OCLN: variants seen among roughly 807,000 people sequenced by gnomAD.
OCLN encodes occludin.
In OCLN, 21 loss-of-function variants were observed where a neutral mutation model predicts 47.9. That is an observed-to-expected ratio of 0.44 (90% CI 0.31 to 0.63). The LOEUF (loss-of-function observed/expected upper bound fraction) is 0.63. Among genes scored for constraint, OCLN ranks in the 30% least tolerant of loss-of-function variants. The pLI is 0.08. For synonymous variants in OCLN, 117 were observed against 198.4 expected, an observed-to-expected ratio of 0.59 and a Z score of 3.45; for missense variants, 360 against 571.0, an observed-to-expected ratio of 0.63 and a Z score of 3.77.
At chr5:69,507,971 G>A (rs1035758751) in intron 2 of OCLN, among the ~76,000 whole-genome samples, 1 of 152,112 alleles carries the variant, frequency 6.6e-6, no homozygotes, top group Non-Finnish European at 1.5e-5. Context: ...ACTTCATCAC[G>A]TGATTGATGT....
chr5:69,516,091 G>T (rs1768957933), intron 4 of OCLN, among the ~76,000 whole-genome samples: 2 of 151,758 alleles, frequency 1.3e-5, no homozygotes, highest in South Asian at 4.2e-4. Context: ...TTCCCAGACG[G>T]GGTGGCGGCC....
rs1345057276 is a variant in OCLN at position 69,553,870 on chromosome 5, A to C, written c.*199A>C. 1 of 587,240 alleles carries C rather than the reference A, an allele frequency of 1.7e-6. No homozygotes were observed. Among genetic ancestry groups the C allele is most frequent in the African/African-American group, 1.9e-5 (1 of 52,874 alleles). The allele number at this position is 587,240 out of a possible 1,614,324, so 36.4% of individuals were successfully genotyped here. A position where few individuals can be genotyped will look rare whatever the true frequency, so the allele number is the denominator to read the frequency against. On this transcript the variant is annotated 3_prime_UTR_variant, in exon 9 of 9. Coordinates refer to ENST00000396442, the MANE Select transcript of OCLN (RefSeq NM_001205254.2). ...TCAACTGGGCTGAACACTCCAATTA[A>C]GGATTTTATGCTTTAAACATTGGTT...
chr5:69,522,161 T>TATG (rs1383439894), intron 4 of OCLN, among the ~76,000 whole-genome samples: 1 of 152,180 alleles, frequency 6.6e-6, no homozygotes, highest in Non-Finnish European at 1.5e-5. Flanking sequence ...GTACTTATAT[T>TATG]TCCTGTCTCT....
In OCLN at chr5:69,519,290, C is replaced by T. The variant is rs576166226; in HGVS notation, c.891+5181C>T. On this transcript the variant is annotated intron_variant, in intron 4 of 8. Transcript: ENST00000396442. ...ATTTTTAGCATCTTCAGGATTATAA[C>T]ACGCCTCCTGCCCTCCCACCTCTCA... 2.0e-5 allele frequency among the ~76,000 whole-genome samples: 3 copies of T among 152,306 alleles called. No individual in the cohort carries two copies. The South Asian group carries it at 6.2e-4, about 32-fold the overall frequency.
intron 1 of OCLN, among the ~76,000 whole-genome samples, chr5:69,496,351 G>GC (rs1005326753): frequency 1.3e-5 from 2 of 151,948 alleles, no homozygotes; most frequent in African/African-American, 2.4e-5. Flanking sequence ...TCCCGTCTCG[G>GC]CCCCCCAAAG....
At position 69,493,703 on chromosome 5, in the gene OCLN, C is replaced by G. The variant is rs1475685373; in HGVS notation, c.-69+803C>G. ...CGCGCTGCCTGGGAGCGCCTCGGTG[C>G]GCACGGAAGCCGGGACCCGCGCCCA... On this transcript the variant is annotated intron_variant, in intron 1 of 8. Coordinates refer to ENST00000396442, the MANE Select transcript of OCLN (RefSeq NM_001205254.2). This position sits in a 1 kb window ranked among gnomAD's most constrained non-coding sequence, Gnocchi z 5.3. Among the ~76,000 whole-genome samples the G allele has an allele frequency of 6.6e-6, 1 of 152,168 alleles. No individual in the cohort carries two copies.
At chr5:69,496,962 C>T (rs954418935) in intron 1 of OCLN, among the ~76,000 whole-genome samples, 13 of 152,086 alleles carry the variant, frequency 8.5e-5, no homozygotes, top group South Asian at 8.3e-4. Flanking sequence ...TCATTTTTTC[C>T]TTCACTCAAC....
intron 4 of OCLN, among the ~76,000 whole-genome samples, chr5:69,516,493 G>C (rs1448704369): frequency 6.6e-6 from 1 of 152,048 alleles, no homozygotes; most frequent in Admixed American, 6.5e-5. Context: ...CGTGGAAAGA[G>C]AGGGAGAGGG....
chr5:69,522,894 C>T (rs534537307), intron 4 of OCLN, among the ~76,000 whole-genome samples: 5 of 116,872 alleles, frequency 4.3e-5, no homozygotes, highest in East Asian at 2.4e-4. Flanking sequence ...GCCTGGCTGA[C>T]TTTTTTTTTT....
At chr5:69,515,383 A>T (rs530180992) in intron 4 of OCLN, among the ~76,000 whole-genome samples, 32 of 141,050 alleles carry the variant, frequency 2.3e-4, no homozygotes, top group African/African-American at 7.9e-4. Flanking sequence ...CACCTCCCAG[A>T]CAGGGCGGCT....
rs946214567 is a variant in OCLN, at chr5:69,493,887, G to A, written c.-69+987G>A. On this transcript the variant is annotated intron_variant, in intron 1 of 8. Coordinates refer to ENST00000396442, the MANE Select transcript of OCLN (RefSeq NM_001205254.2). The surrounding 1 kb of genome is among the most constrained non-coding windows in gnomAD (Gnocchi z 5.3). ...CGGCGCCGAGCCCCTCGCGCTCCTC[G>A]GGAAGCCACCGGGCCCGAGGGAAAA... 7.9e-5 allele frequency among the ~76,000 whole-genome samples: 12 copies of A among 152,174 alleles called. No individual in the cohort carries two copies. The highest frequency in any genetic ancestry group is 1.5e-4 in the Non-Finnish European group (10 of 68,024).
In OCLN at chr5:69,514,064, C is replaced by A; in HGVS notation, c.846C>A (p.Asp282Glu). 6.2e-7 allele frequency: 1 copy of A among 1,613,976 alleles called. No homozygotes were observed. Among genetic ancestry groups the A allele is most frequent in the Middle Eastern group, 1.6e-4 (1 of 6,062 alleles). Reference sequence around the variant, plus strand: ...ATGACAAGTCCAATATTTTGTGGGACAAGGAACACATTTATGATGAGCAGC... The same window carrying A: ...ATGACAAGTCCAATATTTTGTGGGAAAAGGAACACATTTATGATGAGCAGC... ...DRYDKSNILW[D>E]KEHIYDEQPP... The change falls in exon 4 of 9, where the codon GAC (aspartate) becomes GAA (glutamate). Residue 282 changes from aspartate (D) to glutamate (E), a missense_variant. Physicochemically the swap from Asp to Glu is conservative, Grantham distance 45. Coordinates refer to ENST00000396442, the MANE Select transcript of OCLN (RefSeq NM_001205254.2).
intron 4 of OCLN, among the ~76,000 whole-genome samples, chr5:69,528,336 T>C (rs900622175): frequency 6.6e-6 from 1 of 152,160 alleles, no homozygotes; most frequent in Non-Finnish European, 1.5e-5. Context: ...ATCTCCACTT[T>C]AATCACCAAG....
intron 5 of OCLN, among the ~76,000 whole-genome samples, chr5:69,538,049 T>C (rs1338833760): frequency 8.9e-5 from 12 of 134,970 alleles, no homozygotes; most frequent in African/African-American, 1.4e-4. Flanking sequence ...TAATAAAAAA[T>C]ATAGTGTAAA....
At chr5:69,515,785 C>T (rs1046351838) in intron 4 of OCLN, among the ~76,000 whole-genome samples, 2 of 149,698 alleles carry the variant, frequency 1.3e-5, no homozygotes, top group Admixed American at 6.6e-5. Context: ...TCAGACGGGG[C>T]GGCTGGGCAG....
chr5:69,509,225 T>C lies in OCLN; in HGVS notation c.135T>C (p.Ser45=). 1 of 1,614,104 alleles carries C rather than the reference T, an allele frequency of 6.2e-7. No individual in the cohort carries two copies. The highest frequency in any genetic ancestry group is 8.5e-7 in the Non-Finnish European group (1 of 1,179,966). ...VRPMLSQPAY[S]FYPEDEILHF... is the part of the protein sequence containing the mutation. ...CAATGCTCTCTCAGCCAGCCTACTC[T>C]TTTTACCCAGAAGATGAAATTCTTC... is the stretch of plus-strand genomic sequence containing the variant. Residue 45 remains serine, a synonymous_variant, in exon 3 of 9, where the codon TCT becomes TCC. Coordinates refer to ENST00000396442, the MANE Select transcript of OCLN (RefSeq NM_001205254.2).
In OCLN at chr5:69,493,924, C is replaced by T. The variant is rs1412912613; in HGVS notation, c.-69+1024C>T. ...GGCCCGAGGGAAAAGCCGCGGCATC[C>T]TTAGGCCGGACCCGGGGCTCGCTGG... On this transcript the variant is annotated intron_variant, in intron 1 of 8. Transcript: ENST00000396442. This position sits in a 1 kb window ranked among gnomAD's most constrained non-coding sequence, Gnocchi z 5.3. 6.6e-6 allele frequency among the ~76,000 whole-genome samples: 1 copy of T among 152,230 alleles called. No homozygotes were observed. Among genetic ancestry groups the T allele is most frequent in the Admixed American group, 6.5e-5 (1 of 15,290 alleles).
intron 1 of OCLN, among the ~76,000 whole-genome samples, chr5:69,503,926 A>G (rs1460240655): frequency 6.6e-6 from 1 of 152,124 alleles, no homozygotes; most frequent in Non-Finnish European, 1.5e-5. Flanking sequence ...ATATATTTCA[A>G]ATTTTTGTAC....
At chr5:69,501,490 C>T (rs552766575) in intron 1 of OCLN, among the ~76,000 whole-genome samples, 4 of 152,074 alleles carry the variant, frequency 2.6e-5, no homozygotes, top group South Asian at 2.1e-4. Flanking sequence ...ATTAGCCAGG[C>T]GTGGTGGCAT....
Sources: allele counts gnomAD v4.1 joint callset (sites outside exome capture counted in the v4.1 genomes callset), GRCh38; gene constraint gnomAD v4.1.1; non-coding constraint Gnocchi (gnomAD v3.1); transcripts MANE v1.5; gene names NCBI Gene and HGNC (gene_info 2026-07-23, HGNC 2026-07-21).